TOP6BL: variants seen among roughly 807,000 people sequenced by gnomAD.
TOP6BL encodes type 2 DNA topoisomerase 6 subunit B-like.
the TOP6BL span, among the ~76,000 whole-genome samples, chr11:66,793,321 G>T: frequency 2.0e-5 from 3 of 151,496 alleles, no homozygotes; most frequent in African/African-American, 7.3e-5. Context: ...TTGAACTCCT[G>T]ACCTCAAGTG....
At chr11:66,776,743 T>C in the TOP6BL span, among the ~76,000 whole-genome samples, 53 of 152,172 alleles carry the variant, frequency 3.5e-4, 3 homozygotes, top group Admixed American at 1.8e-3. Flanking sequence ...GAATGAGTGC[T>C]GTATTTCCTG....
At chr11:66,834,975 C>G in the TOP6BL span, among the ~76,000 whole-genome samples, 1 of 133,916 alleles carries the variant, frequency 7.5e-6, no homozygotes, top group Middle Eastern at 4.5e-3. Context: ...CCAGAATGAG[C>G]AGGAGTAGTA....
At chr11:66,794,539 A>G in the TOP6BL span, among the ~76,000 whole-genome samples, 1 of 152,172 alleles carries the variant, frequency 6.6e-6, no homozygotes, top group Non-Finnish European at 1.5e-5. Flanking sequence ...ATCCTGCACA[A>G]TCTTTTATTT....
the TOP6BL span, among the ~76,000 whole-genome samples, chr11:66,745,308 G>C: frequency 6.8e-6 from 1 of 146,126 alleles, no homozygotes; most frequent in South Asian, 2.3e-4. Context: ...GCGTTGCGGG[G>C]CGGGGTGGGG....
chr11:66,765,280 ATT>A, the TOP6BL span, among the ~76,000 whole-genome samples: 16 of 152,234 alleles, frequency 1.1e-4, no homozygotes, highest in Non-Finnish European at 4.4e-5. Flanking sequence ...CTTAGTTTTA[ATT>A]TAACTGTTAC....
At chr11:66,842,498 G>A in the TOP6BL span, among the ~76,000 whole-genome samples, 1 of 152,342 alleles carries the variant, frequency 6.6e-6, no homozygotes, top group Admixed American at 6.5e-5. Context: ...AGACAGAACT[G>A]AGGCCAGAAA....
the TOP6BL span, chr11:66,821,867 T>G: frequency 5.2e-6 from 7 of 1,339,198 alleles, no homozygotes; most frequent in Non-Finnish European, 7.2e-6. Context: ...TTAATGCCCC[T>G]TCCTCTCCTC....
At chr11:66,766,758 G>A in the TOP6BL span, among the ~76,000 whole-genome samples, 1 of 152,068 alleles carries the variant, frequency 6.6e-6, no homozygotes, top group Non-Finnish European at 1.5e-5. Context: ...TCCCCCTCTT[G>A]ATCACTGACA....
the TOP6BL span, chr11:66,800,490 A>G: frequency 3.4e-6 from 2 of 592,826 alleles, no homozygotes; most frequent in African/African-American, 1.9e-5. Context: ...ATTGTACCCT[A>G]TGAATGTATA....
At chr11:66,787,876 G>A in the TOP6BL span, among the ~76,000 whole-genome samples, 13 of 152,072 alleles carry the variant, frequency 8.5e-5, no homozygotes, top group Non-Finnish European at 1.8e-4. Context: ...GAAGCTATCT[G>A]GCATTAAACA....
At chr11:66,775,092 G>A in the TOP6BL span, among the ~76,000 whole-genome samples, 6 of 114,470 alleles carry the variant, frequency 5.2e-5, no homozygotes, top group Non-Finnish European at 8.2e-5. Flanking sequence ...CTGCCTGGGT[G>A]ACAGAGTGAG....
At chr11:66,834,212 T>C in the TOP6BL span, among the ~76,000 whole-genome samples, 1 of 152,320 alleles carries the variant, frequency 6.6e-6, no homozygotes, top group African/African-American at 2.4e-5. Context: ...TACAGAACTT[T>C]CATAATTTGC....
chr11:66,753,947 C>G, the TOP6BL span, among the ~76,000 whole-genome samples: 1 of 152,128 alleles, frequency 6.6e-6, no homozygotes, highest in Admixed American at 6.5e-5. Flanking sequence ...TCAGGTGATA[C>G]GCCCAGCTCA....
At chr11:66,758,189 C>A in the TOP6BL span, 1 of 954,366 alleles carries the variant, frequency 1.0e-6, no homozygotes, top group Non-Finnish European at 1.2e-6. Flanking sequence ...CTCGTTGGTG[C>A]CTGCTTCCTT....
chr11:66,837,799 G>A, the TOP6BL span, among the ~76,000 whole-genome samples: 1 of 152,160 alleles, frequency 6.6e-6, no homozygotes, highest in African/African-American at 2.4e-5. Context: ...CTGTATTCTT[G>A]AAAAGGAGCT....
the TOP6BL span, among the ~76,000 whole-genome samples, chr11:66,810,999 G>A: frequency 6.6e-6 from 1 of 152,144 alleles, no homozygotes; most frequent in Non-Finnish European, 1.5e-5. Context: ...TGTTTCCCAG[G>A]CTGGAGTGCA....
At chr11:66,800,626 C>T in the TOP6BL span, 5 of 1,585,394 alleles carry the variant, frequency 3.2e-6, no homozygotes, top group Non-Finnish European at 4.3e-6. Context: ...TCACACTTAA[C>T]TTATTGTTTT....
the TOP6BL span, among the ~76,000 whole-genome samples, chr11:66,774,285 C>G: frequency 6.6e-6 from 1 of 152,012 alleles, no homozygotes; most frequent in South Asian, 2.1e-4. Flanking sequence ...TACTAAGATT[C>G]TATATATGCT....
At chr11:66,828,174 TC>T in the TOP6BL span, 5 of 793,578 alleles carry the variant, frequency 6.3e-6, no homozygotes, top group Non-Finnish European at 6.4e-6. Context: ...ACTGTCTGCC[TC>T]CTCATCTCCC....
Sources: gnomAD v4.1 joint callset for allele counts (sites outside exome capture counted in the v4.1 genomes callset) on GRCh38, gnomAD v4.1.1 for gene constraint, MANE v1.5 for transcripts, NCBI Gene and HGNC (gene_info 2026-07-23, HGNC 2026-07-21) for gene names.